Variants in CHSY3 observed in about 807,000 individuals in gnomAD.
The protein encoded by CHSY3 is N-acetylgalactosaminyl-proteoglycan 3-beta-glucuronosyltransferase 3.
Under a neutral mutation model 67.2 loss-of-function variants are expected in CHSY3, and 35 were observed. The ratio of observed to expected loss-of-function variants is 0.52; its 90% confidence interval spans 0.40 to 0.69. The LOEUF is 0.69. CHSY3 is among the 30% of genes least tolerant of loss of function. The pLI, the probability that CHSY3 is intolerant of heterozygous loss-of-function variation, is 0.00. For missense variants in CHSY3, 1,069 were observed against 1,138.5 expected, an observed-to-expected ratio of 0.94 and a Z score of 0.88; for synonymous variants, 474 against 434.7, an observed-to-expected ratio of 1.09 and a Z score of -1.12.
intron 2 of CHSY3, among the ~76,000 whole-genome samples, chr5:130,110,944 A>T (rs1005373825): frequency 2.0e-5 from 3 of 151,824 alleles, no homozygotes; most frequent in Admixed American, 6.6e-5. Context: ...TTATTAAAAT[A>T]AATTTATTTT....
At chr5:130,178,165 A>G (rs1254437033) in intron 2 of CHSY3, among the ~76,000 whole-genome samples, 5 of 137,614 alleles carry the variant, frequency 3.6e-5, no homozygotes, top group Non-Finnish European at 7.7e-5. Flanking sequence ...TTTTAGTATT[A>G]TATGTATATA....
chr5:129,911,632 A>T (rs1335632435), intron 2 of CHSY3, among the ~76,000 whole-genome samples: 1 of 152,252 alleles, frequency 6.6e-6, no homozygotes, highest in Admixed American at 6.5e-5. Context: ...TTAGTAATGG[A>T]TGGGTGATTC....
intron 2 of CHSY3, chr5:130,001,840 T>A: frequency 1.1e-6 from 1 of 873,358 alleles, no homozygotes; most frequent in Non-Finnish European, 1.4e-6. Context: ...TAACTGACAT[T>A]CAGAAATTTA....
chr5:130,013,911 A>C (rs1764137464), intron 2 of CHSY3, among the ~76,000 whole-genome samples: 1 of 152,320 alleles, frequency 6.6e-6, no homozygotes, highest in African/African-American at 2.4e-5. Context: ...AAAATTTTCC[A>C]AACTGCTATG....
At chr5:129,920,752 C>T (rs998053123) in intron 2 of CHSY3, among the ~76,000 whole-genome samples, 1 of 152,154 alleles carries the variant, frequency 6.6e-6, no homozygotes, top group African/African-American at 2.4e-5. Context: ...CTTTCTCTTT[C>T]TTTGTAATTT....
At chr5:129,982,298 CA>C (rs1427635613) in intron 2 of CHSY3, among the ~76,000 whole-genome samples, 3 of 151,288 alleles carry the variant, frequency 2.0e-5, no homozygotes, top group African/African-American at 4.9e-5. Flanking sequence ...CACACACACA[CA>C]AAAAAAACAA....
At chr5:130,160,901 T>TATTTTTA (rs1340199008) in intron 2 of CHSY3, among the ~76,000 whole-genome samples, 8 of 144,156 alleles carry the variant, frequency 5.5e-5, no homozygotes, top group South Asian at 2.4e-4. Context: ...ATTTATTTTT[T>TATTTTTA]TTTTTTTATT....
intron 2 of CHSY3, among the ~76,000 whole-genome samples, chr5:129,950,544 T>A (rs1461635512): frequency 6.6e-6 from 1 of 152,178 alleles, no homozygotes; most frequent in Non-Finnish European, 1.5e-5. Context: ...ACCAAAATAC[T>A]GTTAGAGCTA....
chr5:129,990,370 G>A (rs1321359996), intron 2 of CHSY3, among the ~76,000 whole-genome samples: 1 of 69,434 alleles, frequency 1.4e-5, no homozygotes, highest in African/African-American at 6.3e-5. Context: ...AGTGGTGTGA[G>A]TGAGTGAGTG....
At chr5:130,031,117 T>G (rs1364829694) in intron 2 of CHSY3, among the ~76,000 whole-genome samples, 1 of 150,924 alleles carries the variant, frequency 6.6e-6, no homozygotes, top group African/African-American at 2.4e-5. Flanking sequence ...AATAAATAAG[T>G]AAATAAATAA....
At chr5:130,017,516 A>T (rs1764249821) in intron 2 of CHSY3, among the ~76,000 whole-genome samples, 1 of 152,152 alleles carries the variant, frequency 6.6e-6, no homozygotes, top group South Asian at 2.1e-4. Context: ...AGTGAAAGGT[A>T]ATGAAAGAGA....
At chr5:129,996,564 C>A (rs542718888) in intron 2 of CHSY3, among the ~76,000 whole-genome samples, 1 of 152,120 alleles carries the variant, frequency 6.6e-6, no homozygotes, top group Non-Finnish European at 1.5e-5. Flanking sequence ...TTTCTTAGTT[C>A]ATTGTCAGAA....
chr5:130,064,075 TA>T (rs1017190927), intron 2 of CHSY3, among the ~76,000 whole-genome samples: 1 of 152,026 alleles, frequency 6.6e-6, no homozygotes, highest in Non-Finnish European at 1.5e-5. Context: ...CAGACTCTAA[TA>T]AAAAAAGTAG....
At chr5:130,139,200 C>T (rs1204560869) in intron 2 of CHSY3, among the ~76,000 whole-genome samples, 3 of 152,156 alleles carry the variant, frequency 2.0e-5, no homozygotes, top group Non-Finnish European at 4.4e-5. Context: ...AGACCACTGA[C>T]CATATATGCA....
intron 2 of CHSY3, among the ~76,000 whole-genome samples, chr5:130,071,678 A>G (rs988563517): frequency 6.6e-6 from 1 of 151,934 alleles, no homozygotes; most frequent in Non-Finnish European, 1.5e-5. Context: ...TGAACATGGA[A>G]GTTCAGATAG....
chr5:130,040,548 A>T (rs188621707), intron 2 of CHSY3, among the ~76,000 whole-genome samples: 1 of 152,292 alleles, frequency 6.6e-6, no homozygotes, highest in East Asian at 1.9e-4. Flanking sequence ...GAATTTACTC[A>T]CTTAATGGCC....
At chr5:130,053,569 G>A (rs1157810910) in intron 2 of CHSY3, among the ~76,000 whole-genome samples, 3 of 152,116 alleles carry the variant, frequency 2.0e-5, no homozygotes, top group Non-Finnish European at 2.9e-5. Flanking sequence ...CTTATGATGT[G>A]TCTTGATTGC....
In CHSY3 at chr5:130,185,214, T is replaced by C. The variant is rs1770380026; in HGVS notation, c.2072T>C (p.Met691Thr). 6.2e-7 allele frequency: 1 copy of C among 1,609,230 alleles called. No individual in the cohort carries two copies. The change falls in exon 3 of 3, where the codon ATG becomes ACG. Residue 691 changes from methionine to threonine, a missense_variant. By Grantham distance (81) the Met-to-Thr change is moderately conservative. This residue lies in a region of CHSY3 where 401 missense variants were observed against 395.2 expected (regional missense o/e 1.01). Coordinates refer to ENST00000305031, the MANE Select transcript of CHSY3 (RefSeq NM_175856.5). The stretch of plus-strand genomic sequence containing the variant: ...AAAGCAGAAATGACCCTGATCCCAA[T>C]GAAGGGAGAGTTTTCCAGAGGTCTT... ...YPKAEMTLIP[M>T]KGEFSRGLGL...
intron 2 of CHSY3, among the ~76,000 whole-genome samples, chr5:130,130,850 A>G (rs1464337629): frequency 1.3e-5 from 2 of 152,192 alleles, no homozygotes; most frequent in Non-Finnish European, 2.9e-5. Flanking sequence ...AAGAAATGAT[A>G]CATTCCCTGT....
Sources: allele counts gnomAD v4.1 joint callset (sites outside exome capture counted in the v4.1 genomes callset), GRCh38; gene constraint gnomAD v4.1.1; regional missense constraint gnomAD v4.1.1; transcripts MANE v1.5; gene names NCBI Gene and HGNC (gene_info 2026-07-23, HGNC 2026-07-21).